The following ZC3H18 variants were observed in gnomAD, a reference collection of about 807,000 sequenced individuals.
ZC3H18 encodes zinc finger CCCH-type containing 18.
In ZC3H18, 8 loss-of-function variants were observed where a neutral mutation model predicts 106.1. That is an observed-to-expected ratio of 0.08 (90% CI 0.04 to 0.14). The LOEUF is 0.14. ZC3H18 is among the 10% of genes least tolerant of loss of function. The probability of loss-of-function intolerance (pLI) is 1.00; values close to 1 mark genes in which losing one functional copy is unlikely to be tolerated. For synonymous variants in ZC3H18, 635 were observed against 522.1 expected (o/e 1.22, Z -2.95); for missense variants, 1,318 against 1,278.4 (o/e 1.03, Z -0.47).
chr16:88,608,607 C>A (rs1465707097), intron 6 of ZC3H18: 1 of 166,862 alleles, frequency 6.0e-6, no homozygotes, highest in Non-Finnish European at 1.3e-5. Context: ...AGGTGATCCA[C>A]CTGCCTCGGC....
chr16:88,601,847 G>C (rs1319003213), intron 6 of ZC3H18, among the ~76,000 whole-genome samples: 5 of 152,092 alleles, frequency 3.3e-5, no homozygotes, highest in Non-Finnish European at 7.4e-5. Flanking sequence ...AACAGGGTCA[G>C]GGTGCATGTG....
chr16:88,628,729 T>C lies in ZC3H18; in HGVS notation c.2470-29T>C, dbSNP rs1906474683. On this transcript the variant is annotated intron_variant, in intron 15 of 17. Coordinates refer to ENST00000301011, the MANE Select transcript of ZC3H18 (RefSeq NM_144604.4). ...CACGGCTTCTGGCTCCTGGCCCTGC[T>C]GTCCTCACTGGCCTCTCTCTTGTCC... 2.5e-6 allele frequency: 4 copies of C among 1,612,694 alleles called. No homozygotes were observed. The Middle Eastern group carries it at 5.0e-4, about 200-fold the overall frequency.
intron 8 of ZC3H18, among the ~76,000 whole-genome samples, chr16:88,613,573 G>C (rs1486953285): frequency 6.6e-6 from 1 of 152,126 alleles, no homozygotes; most frequent in African/African-American, 2.4e-5. Flanking sequence ...GTTGCGATTT[G>C]TATTTCTCTG....
chr16:88,591,323 A>G (rs1915739732), intron 3 of ZC3H18, among the ~76,000 whole-genome samples: 1 of 151,184 alleles, frequency 6.6e-6, no homozygotes, highest in South Asian at 2.2e-4. Context: ...CTGTAATCAT[A>G]GCACTTTGGG....
chr16:88,598,796 A>G (rs1904590372), intron 5 of ZC3H18, 84 bp downstream of exon 5: 3 of 1,262,416 alleles, frequency 2.4e-6, no homozygotes, highest in African/African-American at 3.0e-5. Context: ...TCCTCGGTCC[A>G]GAGAGAGCCC....
chr16:88,586,398 C>T (rs1363221164), intron 2 of ZC3H18, among the ~76,000 whole-genome samples: 2 of 152,156 alleles, frequency 1.3e-5, no homozygotes, highest in African/African-American at 4.8e-5. Flanking sequence ...GGTGCTGTGG[C>T]GGGATGCTTA....
chr16:88,611,170 GAC>G, intron 7 of ZC3H18, 96 bp from the exon 8 acceptor site: 1 of 692,638 alleles, frequency 1.4e-6, no homozygotes, highest in Non-Finnish European at 2.6e-6. Flanking sequence ...GTGATTCTGT[GAC>G]ACAGACAGAT....
chr16:88,614,301 G>T (rs956501606), intron 8 of ZC3H18, among the ~76,000 whole-genome samples: 1 of 152,232 alleles, frequency 6.6e-6, no homozygotes, highest in Non-Finnish European at 1.5e-5. Flanking sequence ...CAGGACCTGC[G>T]ACTGTGGCTC....
intron 8 of ZC3H18, among the ~76,000 whole-genome samples, chr16:88,619,350 A>G (rs923161467): frequency 6.6e-6 from 1 of 152,230 alleles, no homozygotes; most frequent in Non-Finnish European, 1.5e-5. Flanking sequence ...ACACGTGGTA[A>G]CATGGACTTG....
At chr16:88,571,632 T>C (rs970076844) in intron 1 of ZC3H18, 1 of 985,260 alleles carries the variant, frequency 1.0e-6, no homozygotes, top group Non-Finnish European at 1.2e-6. Context: ...TGCTGAAATA[T>C]TGTAAGAAAG....
intron 2 of ZC3H18, among the ~76,000 whole-genome samples, chr16:88,585,559 G>C (rs997082755): frequency 2.6e-5 from 4 of 152,226 alleles, no homozygotes; most frequent in African/African-American, 9.6e-5. Context: ...GTCGTAGGGG[G>C]AGCTCAGGGA....
chr16:88,614,242 C>G (rs558826644), intron 8 of ZC3H18, among the ~76,000 whole-genome samples: 2 of 152,384 alleles, frequency 1.3e-5, no homozygotes, highest in Admixed American at 6.5e-5. Flanking sequence ...AGTGGCCACA[C>G]TTGGAGGGGC....
At chr16:88,602,964 C>G (rs1328966341) in intron 6 of ZC3H18, among the ~76,000 whole-genome samples, 4 of 151,848 alleles carry the variant, frequency 2.6e-5, no homozygotes, top group Non-Finnish European at 4.4e-5. Flanking sequence ...AATTGTTGTT[C>G]CTTCTTTTTT....
chr16:88,583,823 A>G (rs1300094938), intron 2 of ZC3H18, among the ~76,000 whole-genome samples: 1 of 151,922 alleles, frequency 6.6e-6, no homozygotes, highest in Non-Finnish European at 1.5e-5. Flanking sequence ...TTTTTAGGCC[A>G]ATTTGTAGCT....
At chr16:88,572,326 C>T (rs561728447) in intron 1 of ZC3H18, among the ~76,000 whole-genome samples, 8 of 152,322 alleles carry the variant, frequency 5.3e-5, no homozygotes, top group African/African-American at 1.4e-4. Flanking sequence ...TTTTTTGAGA[C>T]GGAGTCTCAC....
chr16:88,572,118 T>G (rs757139218), intron 1 of ZC3H18, among the ~76,000 whole-genome samples: 1 of 152,236 alleles, frequency 6.6e-6, no homozygotes, highest in East Asian at 1.9e-4. Context: ...TGCAGCACTT[T>G]ATCAAAGTGA....
In ZC3H18 at chr16:88,623,278, C is replaced by T; in HGVS notation, c.1727C>T (p.Ser576Phe). 6.2e-7 allele frequency: 1 copy of T among 1,613,828 alleles called. No homozygotes were observed. Among genetic ancestry groups the T allele is most frequent in the South Asian group, 1.1e-5 (1 of 91,080 alleles). ...GSGSSRSRSR[S>F]SSYSSYSSRS... is the part of the protein sequence containing the mutation. ...GGCTCCTCCCGGTCGCGATCCCGGT[C>T]TTCATCCTACAGCTCCTACTCCAGC... The change falls in exon 10 of 18, where the codon TCT (serine) becomes TTT (phenylalanine). Residue 576 changes from serine (S) to phenylalanine (F), a missense_variant. By Grantham distance (155) the Ser-to-Phe change is radical. Coordinates refer to ENST00000301011, the MANE Select transcript of ZC3H18 (RefSeq NM_144604.4).
At position 88,598,630 on chromosome 16, in the gene ZC3H18, T is replaced by C. The variant is rs1276930621; in HGVS notation, c.848T>C (p.Val283Ala). The C allele has an allele frequency of 1.2e-6, 2 of 1,610,558 alleles. No individual in the cohort carries two copies. The highest frequency in any genetic ancestry group is 2.2e-5 in the South Asian group (2 of 90,304). ...CTCGTTTTTCAATAGGGTGGGCCGG[T>C]AGTTGATGAAATTTTGCCTCCACCC... ...LMPANPWGGP[V>A]VDEILPPPPP... Residue 283 changes from valine (V) to alanine (A), a missense_variant, in exon 5 of 18, where the codon GTA becomes GCA. Val to Ala is a moderately conservative substitution (Grantham distance 64). This residue lies in a region of ZC3H18 where 78 missense variants were observed against 67.3 expected (regional missense o/e 1.16). Transcript: ENST00000301011.
Position 88,586,623 on chromosome 16 carries a change from A to G in ZC3H18, c.627A>G (p.Glu209=). 2 of 1,614,140 alleles carry G rather than the reference A, an allele frequency of 1.2e-6. No individual in the cohort carries two copies. The highest frequency in any genetic ancestry group is 1.7e-6 in the Non-Finnish European group (2 of 1,179,998). ...AGGATGATGACCTGGAAGAAGGTGA[A>G]GTGAAGGACCCCAGTGACAGGAAGG... ...EIDDDDLEEG[E]VKDPSDRKVR... The change falls in exon 3 of 18, where the codon GAA becomes GAG. Residue 209 remains glutamate, a synonymous_variant. Transcript: ENST00000301011.
Sources: allele counts gnomAD v4.1 joint callset (sites outside exome capture counted in the v4.1 genomes callset), GRCh38; gene constraint gnomAD v4.1.1; regional missense constraint gnomAD v4.1.1; transcripts MANE v1.5; gene names NCBI Gene and HGNC (gene_info 2026-07-23, HGNC 2026-07-21).